DIDO1: variants seen among roughly 807,000 people sequenced by gnomAD.
DIDO1 encodes death inducer-obliterator 1.
In DIDO1, 16 loss-of-function variants were observed where a neutral mutation model predicts 99.4. The observed-to-expected ratio is 0.16, with a 90% CI of 0.11 to 0.24. The LOEUF (loss-of-function observed/expected upper bound fraction) is 0.24, where lower values mean the gene tolerates loss of function less well. Among genes scored for constraint, DIDO1 ranks in the 10% least tolerant of loss-of-function variants. The pLI, the probability that DIDO1 is intolerant of heterozygous loss-of-function variation, is 1.00. For synonymous variants in DIDO1, 1,366 were observed against 1,239.1 expected, an observed-to-expected ratio of 1.10 and a Z score of -2.15; for missense variants, 2,996 against 3,014.0, an observed-to-expected ratio of 0.99 and a Z score of 0.14.
intron 15 of DIDO1, chr20:62,889,614 A>C: frequency 1.0e-6 from 1 of 985,442 alleles, no homozygotes; most frequent in Non-Finnish European, 1.2e-6. Flanking sequence ...CGGAGAGGCC[A>C]GCTTCTCGGT....
At position 62,907,076 on chromosome 20, in the gene DIDO1, C is replaced by A. The variant is rs1016268700; in HGVS notation, c.1374+71G>T. ...TGCCACCCCCACACGGTCTACAAAC[C>A]AACAGTTCTGCGACAAACGCTCTCA... On this transcript the variant is annotated intron_variant, in intron 5 of 15. Coordinates refer to ENST00000395343, the MANE Select transcript of DIDO1 (RefSeq NM_001193369.2). The A allele has an allele frequency of 2.6e-6, 4 of 1,545,252 alleles. No homozygotes were observed. In the African/African-American group the frequency reaches 5.4e-5, roughly 21 times the overall value.
chr20:62,926,932 G>A (rs1387355790), upstream of DIDO1, among the ~76,000 whole-genome samples: 1 of 152,190 alleles, frequency 6.6e-6, no homozygotes, highest in Non-Finnish European at 1.5e-5. Context: ...GATAAAAGAA[G>A]AAAAGGCCCA....
rs776373245 is a variant in DIDO1, at chr20:62,881,563, C to G, written c.4393G>C (p.Ala1465Pro). The G allele has an allele frequency of 2.4e-5, 38 of 1,611,200 alleles. No homozygotes were observed. The highest frequency in any genetic ancestry group is 3.1e-5 in the Non-Finnish European group (37 of 1,180,026). Residue 1465 changes from alanine (A) to proline (P), a missense_variant, in exon 16 of 16, where the codon GCC becomes CCC. By Grantham distance (27) the Ala-to-Pro change is conservative. Coordinates refer to ENST00000395343, the MANE Select transcript of DIDO1 (RefSeq NM_001193369.2). This position sits in a 1 kb window ranked among gnomAD's most constrained non-coding sequence, Gnocchi z 8.3. ...ACCAGGGAGGGCGTCGCAGCCCCGG[C>G]CACCGGCTCGGCAGGCCTCTCCACG... ...NSVERPAEPVAGAATPSLVEQ... is the reference protein window; with the variant it reads ...NSVERPAEPVPGAATPSLVEQ...
rs140993487 is a variant in DIDO1 at position 62,881,109 on chromosome 20, G to A, written c.4847C>T (p.Ser1616Phe). 2.7e-4 allele frequency: 432 copies of A among 1,609,502 alleles called. No individual in the cohort carries two copies. In the African/African-American group the frequency reaches 5.1e-3, roughly 19 times the overall value. ...MPVPEEKEPA[S>F]SPWASGEKPP... ...CTTTTCGCCCGAAGCCCAGGGGGAA[G>A]AGGCTGGCTCTTTTTCCTCCGGGAC... The change falls in exon 16 of 16, where the codon TCT (serine) becomes TTT (phenylalanine). Residue 1616 changes from serine (S) to phenylalanine (F), a missense_variant. Transcript: ENST00000395343. This position sits in a 1 kb window ranked among gnomAD's most constrained non-coding sequence, Gnocchi z 8.3.
intron 15 of DIDO1, chr20:62,890,635 T>C (rs1271314017): frequency 1.3e-5 from 16 of 1,198,136 alleles, no homozygotes; most frequent in Non-Finnish European, 1.7e-5. Flanking sequence ...CCGCTGGGAG[T>C]GTCACCTCCC....
upstream of DIDO1, chr20:62,928,978 T>A (rs1180383164): frequency 2.0e-5 from 3 of 149,196 alleles, no homozygotes; most frequent in Admixed American, 6.7e-5. Context: ...TAAAAAAAAA[T>A]GGCTTTCCGC....
chr20:62,888,431 G>A (rs146228116), intron 15 of DIDO1: 58 of 985,454 alleles, frequency 5.9e-5, no homozygotes, highest in Non-Finnish European at 6.9e-5. Flanking sequence ...GTGCCGCAGA[G>A]AACTGAGGCT....
intron 1 of DIDO1, among the ~76,000 whole-genome samples, chr20:62,932,381 C>G (rs2065340409): frequency 6.6e-6 from 1 of 152,196 alleles, no homozygotes; most frequent in African/African-American, 2.4e-5. Flanking sequence ...ATACAAATAA[C>G]TTAAGACACA....
In DIDO1 at chr20:62,879,507, T is replaced by C. The variant is rs1170751155; in HGVS notation, c.6449A>G (p.Asn2150Ser). 6.3e-7 allele frequency: 1 copy of C among 1,597,504 alleles called. No individual in the cohort carries two copies. Among genetic ancestry groups the C allele is most frequent in the Non-Finnish European group, 8.5e-7 (1 of 1,178,524 alleles). ...DKDSSRDWDR[N>S]RERSANRDRE... The stretch of plus-strand genomic sequence containing the variant: ...GTCGCGGTTGGCGCTCCTCTCCCGG[T>C]TTCTGTCCCAGTCCCGGCTGGAGTC... The change falls in exon 16 of 16, where the codon AAC becomes AGC. Residue 2150 changes from asparagine (N) to serine (S), a missense_variant. By Grantham distance (46) the Asn-to-Ser change is conservative (BLOSUM62 1). Coordinates refer to ENST00000395343, the MANE Select transcript of DIDO1 (RefSeq NM_001193369.2). The surrounding 1 kb of genome is among the most constrained non-coding windows in gnomAD (Gnocchi z 6.3).
intron 2 of DIDO1, among the ~76,000 whole-genome samples, chr20:62,913,971 T>C (rs868166762): frequency 7.2e-5 from 11 of 152,368 alleles, no homozygotes; most frequent in African/African-American, 2.2e-4. Context: ...TATTATTTTT[T>C]ATTGTCAGAT....
intron 4 of DIDO1, among the ~76,000 whole-genome samples, chr20:62,908,698 C>A (rs760825940): frequency 6.6e-6 from 1 of 151,908 alleles, no homozygotes; most frequent in Non-Finnish European, 1.5e-5. Context: ...AGCACAATGA[C>A]AATTAAAAAA....
intron 2 of DIDO1, among the ~76,000 whole-genome samples, 196 bp downstream of exon 2, chr20:62,914,013 CA>C (rs1275590133): frequency 6.6e-6 from 1 of 152,124 alleles, no homozygotes; most frequent in Non-Finnish European, 1.5e-5. Context: ...CAAATATTTC[CA>C]ATCTGCAGCT....
In DIDO1 at chr20:62,907,094, C is replaced by T. The variant is rs572307842; in HGVS notation, c.1374+53G>A. ...TACAAACCAACAGTTCTGCGACAAA[C>T]GCTCTCACGCCTGTGCGTCCACTGC... is the stretch of plus-strand genomic sequence containing the variant. On this transcript the variant is annotated intron_variant, in intron 5 of 15. Transcript: ENST00000395343. 165 of 1,586,762 alleles carry T rather than the reference C, an allele frequency of 1.0e-4. 2 individuals carry two copies. The South Asian group carries it at 1.5e-3, about 15-fold the overall frequency.
At chr20:62,910,486 GCCGTCTACAC>G (rs2064906513) in intron 3 of DIDO1, among the ~76,000 whole-genome samples, 1 of 152,186 alleles carries the variant, frequency 6.6e-6, no homozygotes. Flanking sequence ...TCTCCTCCAT[GCCGTCTACAC>G]AGAGCCACTG....
chr20:62,880,520 C>G lies in DIDO1; in HGVS notation c.5436G>C (p.Ser1812=). The change falls in exon 16 of 16, where the codon TCG becomes TCC. Residue 1812 remains serine (S), a synonymous_variant. Coordinates refer to ENST00000395343, the MANE Select transcript of DIDO1 (RefSeq NM_001193369.2). ...CATAAGGAGGTGGCCCATGTTGCCC[C>G]GAGAATAAGGAAGGGATGGGCCCCT... The part of the protein sequence containing the change: ...AQKGPIPSLF[S]GQHGPPPYGD... 3 of 1,612,918 alleles carry G rather than the reference C, an allele frequency of 1.9e-6. No individual in the cohort carries two copies. Among genetic ancestry groups the G allele is most frequent in the Non-Finnish European group, 2.5e-6 (3 of 1,179,946 alleles).
chr20:62,890,794 G>A, intron 15 of DIDO1, 166 bp downstream of exon 15: 1 of 1,478,822 alleles, frequency 6.8e-7, no homozygotes, highest in Non-Finnish European at 8.9e-7. Context: ...TCGTGCCACA[G>A]TCCTACGCCC....
chr20:62,882,284 G>T lies in DIDO1; in HGVS notation c.3672C>A (p.Asp1224Glu), dbSNP rs759142450. Residue 1224 changes from aspartate (D) to glutamate (E), a missense_variant, in exon 16 of 16, where the codon GAC becomes GAA. Asp to Glu is a conservative substitution (Grantham distance 45). Around this residue, in one of 5 missense-constraint regions of DIDO1, gnomAD observed 1,562 missense variants for 1,412.6 expected, o/e 1.11. Coordinates refer to ENST00000395343, the MANE Select transcript of DIDO1 (RefSeq NM_001193369.2). The part of the protein sequence containing the change: ...KRTRLQPEEA[D>E]VPAYPKVATV... ...TGGCTACTTTTGGATAGGCCGGAAC[G>T]TCCGCTTCTTCCGGTTGAAGTCGGG... 1.9e-6 allele frequency: 3 copies of T among 1,613,864 alleles called. No homozygotes were observed. Among genetic ancestry groups the T allele is most frequent in the African/African-American group, 1.3e-5 (1 of 74,912 alleles).
intron 1 of DIDO1, among the ~76,000 whole-genome samples, chr20:62,931,778 T>C (rs1416827890): frequency 6.6e-6 from 1 of 152,162 alleles, no homozygotes; most frequent in African/African-American, 2.4e-5. Flanking sequence ...TATGGGACCT[T>C]AGGGGTAAGG....
In DIDO1 at chr20:62,893,655, G is replaced by A. The variant is rs368122470; in HGVS notation, c.3101+11C>T. 1.3e-6 allele frequency: 2 copies of A among 1,586,614 alleles called. No homozygotes were observed. The highest frequency in any genetic ancestry group is 2.7e-5 in the African/African-American group (2 of 74,468). On this transcript the variant is annotated intron_variant, in intron 12 of 15. Transcript: ENST00000395343. ...AGTTTGGCTTGTTCAGACCACACCT[G>A]AAGTACGCACCTGATATTTGGTGAC...
Sources: allele counts gnomAD v4.1 joint callset (sites outside exome capture counted in the v4.1 genomes callset), GRCh38; gene constraint gnomAD v4.1.1; regional missense constraint gnomAD v4.1.1; non-coding constraint Gnocchi (gnomAD v3.1); transcripts MANE v1.5; gene names NCBI Gene and HGNC (gene_info 2026-07-23, HGNC 2026-07-21).